Variants in ASIC2 observed in about 807,000 individuals in gnomAD.
The protein encoded by ASIC2 is acid-sensing ion channel 2.
A neutral mutation model predicts 57.3 loss-of-function variants in ASIC2; 25 were observed. That is an observed-to-expected ratio of 0.44 (90% confidence interval 0.32 to 0.61). The LOEUF is 0.61. Ranked by LOEUF, ASIC2 falls within the 20% of genes least tolerant of loss-of-function variation. The probability of loss-of-function intolerance (pLI) is 0.06; values close to 1 mark genes in which losing one functional copy is unlikely to be tolerated. For synonymous variants in ASIC2, 319 were observed against 307.5 expected, an observed-to-expected ratio of 1.04 and a Z score of -0.39; for missense variants, 641 against 738.1, an observed-to-expected ratio of 0.87 and a Z score of 1.52.
At chr17:34,100,549 G>C (rs1460316973) in intron 1 of ASIC2, among the ~76,000 whole-genome samples, 1 of 152,124 alleles carries the variant, frequency 6.6e-6, no homozygotes, top group African/African-American at 2.4e-5. Context: ...GCCCAGAAGA[G>C]CGTCCGGCCC....
At chr17:33,139,373 A>C (rs8064691) in intron 1 of ASIC2, among the ~76,000 whole-genome samples, 99,786 of 152,138 alleles carry the variant, frequency 0.66, 33,514 homozygotes, top group African/African-American at 0.8. Context: ...CTTTCTCTGA[A>C]GCCCAAAGTA....
intron 2 of ASIC2, among the ~76,000 whole-genome samples, chr17:33,108,953 A>G (rs1410170498): frequency 6.6e-6 from 1 of 152,242 alleles, no homozygotes; most frequent in Non-Finnish European, 1.5e-5. Context: ...CTGTTTTCAA[A>G]TATACTAACT....
In ASIC2 at chr17:33,519,613, G is replaced by C. The variant is rs1914682663; in HGVS notation, c.556-407546C>G. On this transcript the variant is annotated intron_variant, in intron 1 of 9. Coordinates refer to the ASIC2 transcript ENST00000359872. The stretch of plus-strand genomic sequence containing the variant: ...CAAGTGGGTCTCGGCTCACTGTCAT[G>C]GAAAAACTGCTGCATTTTGAGCAGG... Among the ~76,000 whole-genome samples the C allele has an allele frequency of 2.0e-5, 3 of 152,134 alleles. No individual in the cohort carries two copies. In the South Asian group the frequency reaches 6.2e-4, roughly 32 times the overall value.
chr17:33,196,437 T>A (rs936028135), intron 1 of ASIC2, among the ~76,000 whole-genome samples: 2 of 152,094 alleles, frequency 1.3e-5, no homozygotes, highest in Non-Finnish European at 2.9e-5. Context: ...ATGGGGTACC[T>A]GTGAGGCGTC....
intron 1 of ASIC2, among the ~76,000 whole-genome samples, chr17:33,506,014 G>T (rs1430623109): frequency 6.6e-6 from 1 of 152,194 alleles, no homozygotes; most frequent in African/African-American, 2.4e-5. Flanking sequence ...TTGATGAGAT[G>T]GACATGAATA....
At chr17:33,492,006 C>CCTTAAA (rs1277245715) in intron 1 of ASIC2, among the ~76,000 whole-genome samples, 1 of 152,204 alleles carries the variant, frequency 6.6e-6, no homozygotes, top group Admixed American at 6.5e-5. Flanking sequence ...GATTAAGATC[C>CCTTAAA]TGTCTCCCTC....
At chr17:33,843,563 A>C (rs1292678462) in intron 1 of ASIC2, among the ~76,000 whole-genome samples, 7 of 152,218 alleles carry the variant, frequency 4.6e-5, no homozygotes, top group Non-Finnish European at 4.4e-5. Flanking sequence ...GAAGACTTAG[A>C]ATGTAATGTA....
chr17:33,673,237 A>G (rs1907694892), intron 1 of ASIC2, among the ~76,000 whole-genome samples: 5 of 152,072 alleles, frequency 3.3e-5, no homozygotes. Context: ...GAGTGAGGAG[A>G]CCATTTCATT....
chr17:33,169,497 G>A (rs936544346), intron 1 of ASIC2, among the ~76,000 whole-genome samples: 12 of 152,208 alleles, frequency 7.9e-5, no homozygotes, highest in African/African-American at 2.9e-4. Flanking sequence ...CTAAAAGTTA[G>A]CAATTTTGGT....
In ASIC2 at chr17:33,665,044, T is replaced by A. The variant is rs144281937; in HGVS notation, c.555+490934A>T. 1.5e-3 allele frequency among the ~76,000 whole-genome samples: 231 copies of A among 152,238 alleles called. 3 individuals are homozygous for A. The highest frequency in any genetic ancestry group is 8.1e-3 in the Admixed American group (124 of 15,290). ...ATGTTTTGTCAATAAAAATTTTATT[T>A]TTTTTTTTAAGACAAAGAAACAAGA... On this transcript the variant is annotated intron_variant, in intron 1 of 9. Transcript: ENST00000359872.
chr17:33,636,369 C>G (rs1906366122), intron 1 of ASIC2, among the ~76,000 whole-genome samples: 1 of 152,092 alleles, frequency 6.6e-6, no homozygotes, highest in Non-Finnish European at 1.5e-5. Flanking sequence ...GCATGACGTG[C>G]CTTAGGGGGA....
intron 1 of ASIC2, among the ~76,000 whole-genome samples, chr17:33,748,026 A>C (rs761784431): frequency 4.6e-5 from 7 of 152,220 alleles, no homozygotes; most frequent in Non-Finnish European, 1.0e-4. Flanking sequence ...TCCATTTCAG[A>C]GATGAGGAAG....
intron 1 of ASIC2, among the ~76,000 whole-genome samples, chr17:33,200,207 T>G (rs748305274): frequency 6.6e-6 from 1 of 152,132 alleles, no homozygotes; most frequent in Non-Finnish European, 1.5e-5. Context: ...TTTCTTCTTC[T>G]CTCTTGGACT....
chr17:33,252,170 T>C (rs78249702), intron 1 of ASIC2, among the ~76,000 whole-genome samples: 83 of 152,270 alleles, frequency 5.5e-4, no homozygotes, highest in Admixed American at 1.5e-3. Context: ...AGATAGTTCA[T>C]GTCCCACCCT....
chr17:34,011,033 G>GCA (rs1555580928), intron 1 of ASIC2, among the ~76,000 whole-genome samples: 9 of 2,836 alleles, frequency 3.2e-3, no homozygotes, highest in Admixed American at 4.4e-3. Context: ...TCAGACACAT[G>GCA]CACACACACA....
At chr17:34,135,363 A>G (rs1315326407) in intron 1 of ASIC2, among the ~76,000 whole-genome samples, 1 of 152,256 alleles carries the variant, frequency 6.6e-6, no homozygotes, top group Non-Finnish European at 1.5e-5. Flanking sequence ...TAGGGCTAGC[A>G]TCTTCGTAGG....
chr17:34,151,105 G>T (rs1418075688), intron 1 of ASIC2, among the ~76,000 whole-genome samples: 1 of 125,300 alleles, frequency 8.0e-6, no homozygotes. Flanking sequence ...TCCATCTCAA[G>T]AAAAAAAAAA....
chr17:34,143,621 C>T (rs189380907), intron 1 of ASIC2, among the ~76,000 whole-genome samples: 1 of 152,286 alleles, frequency 6.6e-6, no homozygotes, highest in Non-Finnish European at 1.5e-5. Flanking sequence ...GATGAATATT[C>T]AGGTGGTTTC....
chr17:33,398,336 T>C (rs950712511), intron 1 of ASIC2, among the ~76,000 whole-genome samples: 2 of 152,092 alleles, frequency 1.3e-5, no homozygotes, highest in African/African-American at 2.4e-5. Context: ...AGAGCACGGG[T>C]TAACACAATG....
Sources: allele counts gnomAD v4.1 joint callset (sites outside exome capture counted in the v4.1 genomes callset), GRCh38; gene constraint gnomAD v4.1.1; transcripts MANE v1.5; gene names NCBI Gene and HGNC (gene_info 2026-07-23, HGNC 2026-07-21).